The following PARD3 variants were observed in gnomAD, a reference collection of about 807,000 sequenced individuals.
PARD3 encodes the protein par-3 family cell polarity regulator.
In PARD3, 75 loss-of-function variants were observed where a neutral mutation model predicts 155.4. The ratio of observed to expected loss-of-function variants is 0.48; its 90% CI spans 0.40 to 0.58. PARD3 has a LOEUF of 0.58. Among genes scored for constraint, PARD3 ranks in the 20% least tolerant of loss-of-function variants. The pLI is 0.00. For missense variants in PARD3, 1,642 were observed against 1,721.7 expected, an observed-to-expected ratio of 0.95 and a Z score of 0.82; for synonymous variants, 576 against 610.5, an observed-to-expected ratio of 0.94 and a Z score of 0.83.
At chr10:34,784,144 G>T (rs1182577053) in intron 1 of PARD3, among the ~76,000 whole-genome samples, 1 of 152,132 alleles carries the variant, frequency 6.6e-6, no homozygotes, top group East Asian at 1.9e-4. Context: ...TGGGGTGGTG[G>T]AGGCTGCAGT....
intron 22 of PARD3, among the ~76,000 whole-genome samples, chr10:34,208,653 C>A (rs748345788): frequency 2.0e-5 from 3 of 152,124 alleles, no homozygotes; most frequent in Non-Finnish European, 2.9e-5. Flanking sequence ...CGTGACCCAA[C>A]GGTCCCCTAG....
chr10:34,666,816 T>TGTATATATATATAC (rs1554804683), intron 2 of PARD3, among the ~76,000 whole-genome samples: 74 of 88,800 alleles, frequency 8.3e-4, no homozygotes, highest in African/African-American at 3.3e-3. Flanking sequence ...TATATATATA[T>TGTATATATATATAC]ACACACACAC....
intron 22 of PARD3, among the ~76,000 whole-genome samples, chr10:34,218,521 C>A (rs1207483364): frequency 4.6e-5 from 7 of 152,140 alleles, no homozygotes; most frequent in Admixed American, 2.6e-4. Context: ...CTGAGATGTG[C>A]CCAAGTAACA....
At chr10:34,381,912 C>CAAAAAAAAAAAA (rs202053812) in intron 9 of PARD3, among the ~76,000 whole-genome samples, 34 of 71,856 alleles carry the variant, frequency 4.7e-4, no homozygotes, top group African/African-American at 1.3e-3. Context: ...GGCCCTGTCT[C>CAAAAAAAAAAAA]AAAAAAAAAA....
intron 1 of PARD3, among the ~76,000 whole-genome samples, chr10:34,799,378 G>A (rs1757877060): frequency 6.6e-6 from 1 of 152,038 alleles, no homozygotes; most frequent in Non-Finnish European, 1.5e-5. Context: ...TCTAGAATGG[G>A]CCCCGAGATT....
chr10:34,460,997 T>C (rs573156727), intron 4 of PARD3, among the ~76,000 whole-genome samples: 7 of 152,292 alleles, frequency 4.6e-5, no homozygotes, highest in African/African-American at 1.4e-4. Flanking sequence ...AGTGAAAATA[T>C]TAAAACCAAG....
chr10:34,457,745 T>C (rs531421670), intron 4 of PARD3, among the ~76,000 whole-genome samples: 1 of 152,102 alleles, frequency 6.6e-6, no homozygotes, highest in African/African-American at 2.4e-5. Flanking sequence ...AGACTACGGG[T>C]GCAAGCCAAC....
intron 1 of PARD3, among the ~76,000 whole-genome samples, chr10:34,700,174 C>T (rs1207926329): frequency 6.6e-6 from 1 of 152,028 alleles, no homozygotes; most frequent in Non-Finnish European, 1.5e-5. Flanking sequence ...GGCAAGGCTC[C>T]CAAGGATAGG....
intron 22 of PARD3, among the ~76,000 whole-genome samples, chr10:34,228,681 T>G (rs1696263817): frequency 6.6e-6 from 1 of 152,068 alleles, no homozygotes; most frequent in Admixed American, 6.5e-5. Context: ...TATAAAGTAT[T>G]GGTTAGGATG....
At chr10:34,793,629 A>C (rs771716034) in intron 1 of PARD3, among the ~76,000 whole-genome samples, 1 of 151,928 alleles carries the variant, frequency 6.6e-6, no homozygotes, top group Admixed American at 6.5e-5. Flanking sequence ...TCTACTAAAA[A>C]TGCAAAATTA....
chr10:34,393,576 A>G (rs77889050), intron 7 of PARD3, among the ~76,000 whole-genome samples: 1,511 of 133,748 alleles, frequency 0.011, 17 homozygotes, highest in African/African-American at 0.038. Flanking sequence ...TCTCAAAAGG[A>G]AAAAAAAAAA....
intron 5 of PARD3, among the ~76,000 whole-genome samples, chr10:34,448,685 A>G (rs2076890621): frequency 6.6e-6 from 1 of 152,016 alleles, no homozygotes; most frequent in African/African-American, 2.4e-5. Flanking sequence ...GTACATGTAT[A>G]GTCCTAGCTA....
chr10:34,656,565 C>A (rs1419891509), intron 2 of PARD3, among the ~76,000 whole-genome samples: 1 of 152,164 alleles, frequency 6.6e-6, no homozygotes, highest in Admixed American at 6.5e-5. Context: ...TACAAAAGAA[C>A]CAATCCATCA....
rs1946346718 is a variant in PARD3 at position 34,110,691 on chromosome 10, G to A, written c.*478C>T. On this transcript the variant is annotated 3_prime_UTR_variant, in exon 25 of 25. Transcript: ENST00000374788. ...ATGACAAAGTACGACAAATGGCTGTGCTGTGAAGTACCAGAAAGCCCCAAT... is the reference window on the plus strand; with the variant it reads ...ATGACAAAGTACGACAAATGGCTGTACTGTGAAGTACCAGAAAGCCCCAAT... The A allele has an allele frequency of 6.5e-6, 1 of 152,972 alleles. No individual in the cohort carries two copies. Among genetic ancestry groups the A allele is most frequent in the Middle Eastern group, 3.2e-3 (1 of 316 alleles). The allele number at this position is 152,972 out of a possible 1,614,324, so 9.5% of individuals were successfully genotyped here.
At chr10:34,145,212 TATATATATA>T (rs1291483792) in intron 22 of PARD3, among the ~76,000 whole-genome samples, 9 of 75,758 alleles carry the variant, frequency 1.2e-4, no homozygotes, top group African/African-American at 2.5e-4. Context: ...TATATATATA[TATATATATA>T]TTTTTTTTTT....
Position 34,375,053 on chromosome 10 carries a change from A to AACACACACACACACACACAC in PARD3, c.1540-71_1540-52dup, listed in dbSNP as rs35263377. The AACACACACACACACACACAC allele has an allele frequency of 2.3e-4, 178 of 783,624 alleles. 1 individual carries two copies. In the African/African-American group the frequency reaches 3.1e-3, roughly 14 times the overall value. 48.5% of individuals were successfully genotyped at this position (783,624 alleles called of 1,614,324 possible). On this transcript the variant is annotated intron_variant, in intron 10 of 24. Coordinates refer to ENST00000374788, the MANE Select transcript of PARD3 (RefSeq NM_001184785.2). Reference sequence around the variant, plus strand: ...TGTAATCCTGTGGAAACAACAGGAAAACACACACACACACACACACACACA... The same window carrying AACACACACACACACACACAC: ...TGTAATCCTGTGGAAACAACAGGAAAACACACACACACACACACACACACACACACACACACACACACACA...
intron 22 of PARD3, among the ~76,000 whole-genome samples, chr10:34,178,632 C>G (rs1443888796): frequency 6.6e-6 from 1 of 152,168 alleles, no homozygotes; most frequent in African/African-American, 2.4e-5. Flanking sequence ...GGTCCTGCCT[C>G]CATTAAACTC....
intron 19 of PARD3, among the ~76,000 whole-genome samples, chr10:34,321,491 T>C (rs573575769): frequency 6.6e-6 from 1 of 152,336 alleles, no homozygotes; most frequent in East Asian, 1.9e-4. Context: ...AATAGAAATT[T>C]CCATTTTTGA....
In PARD3 at chr10:34,745,761, A is replaced by G. The variant is rs530901001; in HGVS notation, c.121-49342T>C. ...AGCCCTGAGCCATGATCACGCCACTATAGTCCATACTATGTAAAGGAAATG... is the reference window on the plus strand; with the variant it reads ...AGCCCTGAGCCATGATCACGCCACTGTAGTCCATACTATGTAAAGGAAATG... On this transcript the variant is annotated intron_variant, in intron 1 of 24. Transcript: ENST00000374788. 9.2e-5 allele frequency among the ~76,000 whole-genome samples: 14 copies of G among 152,332 alleles called. No homozygotes were observed. In the East Asian group the frequency reaches 2.7e-3, roughly 29 times the overall value.
Sources: allele counts gnomAD v4.1 joint callset (sites outside exome capture counted in the v4.1 genomes callset), GRCh38; gene constraint gnomAD v4.1.1; transcripts MANE v1.5; gene names NCBI Gene and HGNC (gene_info 2026-07-23, HGNC 2026-07-21).